The following PTPRN2 variants were observed in gnomAD, a reference collection of about 807,000 sequenced individuals.
The protein encoded by PTPRN2 is receptor-type tyrosine-protein phosphatase N2.
A neutral mutation model predicts 118.8 loss-of-function variants in PTPRN2; 74 were observed. That is an observed-to-expected ratio of 0.62 (90% CI 0.52 to 0.76). The LOEUF (loss-of-function observed/expected upper bound fraction) is 0.76. Ranked by LOEUF, PTPRN2 falls within the 30% of genes least tolerant of loss-of-function variation. The pLI, the probability that PTPRN2 is intolerant of heterozygous loss-of-function variation, is 0.00. For synonymous variants in PTPRN2, 641 were observed against 608.0 expected (o/e 1.05, Z -0.80); for missense variants, 1,481 against 1,394.4 (o/e 1.06, Z -0.99).
chr7:158,445,130 C>T (rs1331859512), intron 2 of PTPRN2, among the ~76,000 whole-genome samples: 1 of 152,202 alleles, frequency 6.6e-6, no homozygotes, highest in Non-Finnish European at 1.5e-5. Flanking sequence ...CAGGCATGTC[C>T]CAGCCTCAGG....
At position 157,696,644 on chromosome 7, in the gene PTPRN2, T is replaced by C. The variant is rs867350316; in HGVS notation, c.1789-13707A>G. 3.4e-3 allele frequency among the ~76,000 whole-genome samples: 410 copies of C among 119,502 alleles called. 6 individuals carry two copies. Among genetic ancestry groups the C allele is most frequent in the Middle Eastern group, 0.016 (3 of 184 alleles). 78.4% of individuals were successfully genotyped at this position (119,502 alleles called of 152,430 possible). ...TCTACCCATGCATACTGGGTCTTAG[T>C]AGAGCCCTCACCATCTACCTATGCA... On this transcript the variant is annotated intron_variant, in intron 12 of 22. Transcript: ENST00000389418.
At chr7:157,998,027 G>A (rs1452767426) in intron 11 of PTPRN2, among the ~76,000 whole-genome samples, 1 of 80,668 alleles carries the variant, frequency 1.2e-5, no homozygotes, top group Non-Finnish European at 2.5e-5. Flanking sequence ...GTGCAGGGTG[G>A]GGGGAGAGGA....
chr7:158,299,851 C>A (rs2151042737), intron 3 of PTPRN2, among the ~76,000 whole-genome samples: 1 of 152,226 alleles, frequency 6.6e-6, no homozygotes, highest in African/African-American at 2.4e-5. Flanking sequence ...GGTCTTTACC[C>A]CAGAACCCAG....
intron 11 of PTPRN2, among the ~76,000 whole-genome samples, chr7:157,936,709 C>G (rs939502892): frequency 7.3e-5 from 11 of 151,234 alleles, no homozygotes; most frequent in Non-Finnish European, 1.5e-4. Flanking sequence ...AGGTCTGACA[C>G]CTCCCGTGTC....
intron 12 of PTPRN2, among the ~76,000 whole-genome samples, chr7:157,710,160 C>T (rs1348730042): frequency 6.6e-6 from 1 of 152,156 alleles, no homozygotes; most frequent in South Asian, 2.1e-4. Flanking sequence ...TTGGGTTATA[C>T]GAACCTAACA....
intron 12 of PTPRN2, among the ~76,000 whole-genome samples, chr7:157,765,567 A>G (rs753608502): frequency 1.1e-4 from 13 of 116,410 alleles, no homozygotes; most frequent in Non-Finnish European, 2.1e-4. Context: ...CCATCCACCC[A>G]TCCACTCATC....
chr7:158,414,099 G>A (rs1563263774), intron 2 of PTPRN2, among the ~76,000 whole-genome samples: 1 of 151,332 alleles, frequency 6.6e-6, no homozygotes, highest in Non-Finnish European at 1.5e-5. Flanking sequence ...AAGGAAGCAA[G>A]GGGATTCCTA....
intron 9 of PTPRN2, among the ~76,000 whole-genome samples, chr7:158,128,408 G>C (rs1454486561): frequency 6.6e-6 from 1 of 151,740 alleles, no homozygotes; most frequent in Non-Finnish European, 1.5e-5. Context: ...AAGATAACAT[G>C]ATGATTTTTT....
rs956194979 is a variant in PTPRN2, at chr7:157,794,076, G to A, written c.1788+104597C>T. On this transcript the variant is annotated intron_variant, in intron 12 of 22. Transcript: ENST00000389418. This position sits in a 1 kb window ranked among gnomAD's most constrained non-coding sequence, Gnocchi z 5.2. ...GGACAAGCTCGGGGCCCAGGTGGCC[G>A]GGAGGGGGCCGCCTGTGTCTCGCCC... Among the ~76,000 whole-genome samples, 41 of 152,036 alleles carry A rather than the reference G, an allele frequency of 2.7e-4. No homozygotes were observed. The highest frequency in any genetic ancestry group is 1.0e-3 in the Admixed American group (16 of 15,286).
rs1352620989 is a variant in PTPRN2 at position 157,794,351 on chromosome 7, C to T, written c.1788+104322G>A. ...CTCCCTGCTCCACCCAGGCTGCCTG[C>T]ACTTCCGGTTCTGCGTCTGGCCGGC... On this transcript the variant is annotated intron_variant, in intron 12 of 22. Transcript: ENST00000389418. This position sits in a 1 kb window ranked among gnomAD's most constrained non-coding sequence, Gnocchi z 5.2. 3.3e-5 allele frequency among the ~76,000 whole-genome samples: 5 copies of T among 151,768 alleles called. No homozygotes were observed. Among genetic ancestry groups the T allele is most frequent in the Non-Finnish European group, 7.3e-5 (5 of 68,046 alleles).
chr7:157,712,564 A>G (rs1363866126), intron 12 of PTPRN2, among the ~76,000 whole-genome samples: 1 of 152,038 alleles, frequency 6.6e-6, no homozygotes, highest in Non-Finnish European at 1.5e-5. Flanking sequence ...CAGCCTGACC[A>G]ACATAGTGAA....
intron 2 of PTPRN2, among the ~76,000 whole-genome samples, chr7:158,459,904 T>C (rs1395718624): frequency 1.0e-5 from 1 of 100,182 alleles, no homozygotes; most frequent in Non-Finnish European, 2.2e-5. Flanking sequence ...AGGAGGGTCA[T>C]CCAGCTACAG....
At chr7:158,005,388 G>T (rs1805567007) in intron 11 of PTPRN2, among the ~76,000 whole-genome samples, 1 of 152,106 alleles carries the variant, frequency 6.6e-6, no homozygotes, top group African/African-American at 2.4e-5. Context: ...TCACTCTTAA[G>T]GTGGGTGCAG....
intron 2 of PTPRN2, among the ~76,000 whole-genome samples, chr7:158,414,680 G>A (rs1386003575): frequency 2.0e-5 from 3 of 152,204 alleles, no homozygotes; most frequent in Non-Finnish European, 2.9e-5. Context: ...CATAATTGCC[G>A]GCATTGTGCC....
intron 2 of PTPRN2, among the ~76,000 whole-genome samples, chr7:158,382,490 A>C (rs1811038323): frequency 6.6e-6 from 1 of 152,098 alleles, no homozygotes; most frequent in Non-Finnish European, 1.5e-5. Flanking sequence ...TGCAAAAACA[A>C]TTTTTCCAGC....
intron 12 of PTPRN2, among the ~76,000 whole-genome samples, chr7:157,817,240 CT>C (rs1361341220): frequency 1.3e-5 from 2 of 152,204 alleles, no homozygotes; most frequent in African/African-American, 4.8e-5. Context: ...ACGTCTGGCT[CT>C]GCTTCCCTTC....
intron 6 of PTPRN2, among the ~76,000 whole-genome samples, chr7:158,149,518 G>C (rs138026917): frequency 1.9e-3 from 292 of 151,984 alleles, no homozygotes; most frequent in Non-Finnish European, 3.2e-3. Flanking sequence ...AAAAAGATAA[G>C]CCCGGCTGGG....
At chr7:158,372,621 G>A (rs1189147099) in intron 2 of PTPRN2, among the ~76,000 whole-genome samples, 7 of 151,806 alleles carry the variant, frequency 4.6e-5, no homozygotes, top group Non-Finnish European at 5.9e-5. Flanking sequence ...CACCACGCTG[G>A]TCCCCGGAGC....
At chr7:158,157,236 A>T (rs1335180976) in intron 6 of PTPRN2, among the ~76,000 whole-genome samples, 2 of 152,228 alleles carry the variant, frequency 1.3e-5, no homozygotes, top group Non-Finnish European at 2.9e-5. Flanking sequence ...AGGTGGTGGG[A>T]GGAAAACCTC....
Sources: gnomAD v4.1 joint callset for allele counts (sites outside exome capture counted in the v4.1 genomes callset) on GRCh38, gnomAD v4.1.1 for gene constraint, Gnocchi (gnomAD v3.1) non-coding constraint, MANE v1.5 for transcripts, NCBI Gene and HGNC (gene_info 2026-07-23, HGNC 2026-07-21) for gene names.